PLCXD3: variants seen among roughly 807,000 people sequenced by gnomAD.
PLCXD3 encodes phosphatidylinositol specific phospholipase C X domain containing 3.
Under a neutral mutation model 25.5 loss-of-function variants are expected in PLCXD3, and 19 were observed. That is an observed-to-expected ratio of 0.75 (90% CI 0.52 to 1.09). PLCXD3 has a LOEUF of 1.09. Ranked by LOEUF, PLCXD3 falls within the 50% of genes least tolerant of loss-of-function variation. The pLI is 0.00. For synonymous variants in PLCXD3, 174 were observed against 137.6 expected (o/e 1.26, Z -1.85); for missense variants, 411 against 388.1 (o/e 1.06, Z -0.50).
chr5:41,489,280 T>C (rs1748595392), intron 1 of PLCXD3, among the ~76,000 whole-genome samples: 1 of 152,200 alleles, frequency 6.6e-6, no homozygotes, highest in Non-Finnish European at 1.5e-5. Flanking sequence ...TTCTGTTCCA[T>C]TGATCTATAT....
intron 1 of PLCXD3, among the ~76,000 whole-genome samples, chr5:41,473,074 G>A (rs1748201154): frequency 6.6e-6 from 1 of 151,510 alleles, no homozygotes. Flanking sequence ...CTACTTTCTA[G>A]AGCACTTTTA....
At chr5:41,320,528 G>A (rs1456544654) in intron 2 of PLCXD3, among the ~76,000 whole-genome samples, 1 of 152,120 alleles carries the variant, frequency 6.6e-6, no homozygotes, top group African/African-American at 2.4e-5. Context: ...ACGGAGTCTC[G>A]CTCTGTCGCC....
intron 2 of PLCXD3, among the ~76,000 whole-genome samples, chr5:41,361,845 T>C (rs1435297232): frequency 2.0e-5 from 3 of 152,216 alleles, no homozygotes; most frequent in African/African-American, 7.2e-5. Flanking sequence ...AATATTGAAC[T>C]AATTATCACA....
At chr5:41,435,309 A>C (rs1747221535) in intron 1 of PLCXD3, among the ~76,000 whole-genome samples, 2 of 152,298 alleles carry the variant, frequency 1.3e-5, no homozygotes, top group South Asian at 4.1e-4. Flanking sequence ...TGTGGAGGAA[A>C]TTTGTTTTCC....
intron 1 of PLCXD3, among the ~76,000 whole-genome samples, chr5:41,493,784 T>G (rs1455034059): frequency 6.6e-6 from 1 of 152,164 alleles, no homozygotes; most frequent in Non-Finnish European, 1.5e-5. Context: ...TTTAAGCCCG[T>G]CGGAAAAGCG....
intron 1 of PLCXD3, among the ~76,000 whole-genome samples, chr5:41,406,839 CCAGCCCAATACATTGGCATTTGTTA>C (rs1746366335): frequency 6.6e-6 from 1 of 152,214 alleles, no homozygotes; most frequent in Admixed American, 6.5e-5. Flanking sequence ...TAATTATTTT[CCAGCCCAATACATTGGCATTTGTTA>C]AAAAGTTCCT....
At chr5:41,359,353 T>G (rs1280936097) in intron 2 of PLCXD3, among the ~76,000 whole-genome samples, 1 of 152,154 alleles carries the variant, frequency 6.6e-6, no homozygotes, top group African/African-American at 2.4e-5. Context: ...TCCTGGACTT[T>G]TTTTTATTGG....
At chr5:41,482,751 A>G (rs573815644) in intron 1 of PLCXD3, among the ~76,000 whole-genome samples, 4 of 152,320 alleles carry the variant, frequency 2.6e-5, no homozygotes, top group Admixed American at 6.5e-5. Context: ...AAATCTGACT[A>G]GGCTATTTCT....
Position 41,380,719 on chromosome 5 carries a change from A to C in PLCXD3, c.812+1107T>G, listed in dbSNP as rs117756497. Among the ~76,000 whole-genome samples, 57 of 152,256 alleles carry C rather than the reference A, an allele frequency of 3.7e-4. No individual in the cohort carries two copies. In the East Asian group the frequency reaches 7.4e-3, roughly 20 times the overall value. ...GACCTTGGGTCCAAGCAAAACATTC[A>C]TGCTGTGTCTCTTTAGCATAATTCG... On this transcript the variant is annotated intron_variant, in intron 2 of 2. Coordinates refer to ENST00000377801, the MANE Select transcript of PLCXD3 (RefSeq NM_001005473.3).
intron 2 of PLCXD3, among the ~76,000 whole-genome samples, chr5:41,381,000 T>C (rs1275383758): frequency 6.6e-6 from 1 of 152,182 alleles, no homozygotes; most frequent in African/African-American, 2.4e-5. Flanking sequence ...TAAGGCTGCG[T>C]ATGTAGTATA....
At chr5:41,437,021 A>T (rs1407177563) in intron 1 of PLCXD3, among the ~76,000 whole-genome samples, 1 of 152,248 alleles carries the variant, frequency 6.6e-6, no homozygotes, top group Non-Finnish European at 1.5e-5. Flanking sequence ...GTTAGAGAGG[A>T]GACCAATGTA....
chr5:41,328,616 A>G (rs1054323018), intron 2 of PLCXD3, among the ~76,000 whole-genome samples: 1 of 152,130 alleles, frequency 6.6e-6, no homozygotes, highest in Non-Finnish European at 1.5e-5. Flanking sequence ...CCCCTCTGGA[A>G]TGTGAAGCTC....
intron 2 of PLCXD3, among the ~76,000 whole-genome samples, chr5:41,375,094 T>G (rs1402485751): frequency 6.6e-6 from 1 of 151,556 alleles, no homozygotes; most frequent in Admixed American, 6.6e-5. Flanking sequence ...CTGGAGTGTG[T>G]CCCCATTGGA....
chr5:41,329,186 T>G (rs1743716944), intron 2 of PLCXD3, among the ~76,000 whole-genome samples: 1 of 152,206 alleles, frequency 6.6e-6, no homozygotes, highest in Admixed American at 6.6e-5. Context: ...CCCCGTCACT[T>G]GGTGTTAAAA....
chr5:41,378,281 A>G (rs1745355883), intron 2 of PLCXD3, among the ~76,000 whole-genome samples: 1 of 152,126 alleles, frequency 6.6e-6, no homozygotes, highest in Non-Finnish European at 1.5e-5. Context: ...TGAGCTTCAC[A>G]TTAATATAAC....
At chr5:41,390,848 C>T (rs1458336970) in intron 1 of PLCXD3, among the ~76,000 whole-genome samples, 1 of 152,190 alleles carries the variant, frequency 6.6e-6, no homozygotes. Context: ...TGGCTGACGC[C>T]ACTCTTCCCT....
chr5:41,388,996 T>A (rs1301484165), intron 1 of PLCXD3, among the ~76,000 whole-genome samples: 1 of 151,750 alleles, frequency 6.6e-6, no homozygotes, highest in African/African-American at 2.4e-5. Context: ...TATACATATA[T>A]ACAAGCACAC....
intron 1 of PLCXD3, among the ~76,000 whole-genome samples, chr5:41,406,254 C>G (rs886627118): frequency 3.3e-5 from 5 of 152,056 alleles, no homozygotes; most frequent in African/African-American, 1.2e-4. Context: ...TTGCTTCATA[C>G]TTTTTCCTTG....
chr5:41,440,213 CAATTTTTT>C (rs1339806553), intron 1 of PLCXD3, among the ~76,000 whole-genome samples: 4 of 80,048 alleles, frequency 5.0e-5, no homozygotes, highest in African/African-American at 2.0e-4. Context: ...CATAATCTCT[CAATTTTTT>C]TTTTTTTTTT....
Sources: gnomAD v4.1 joint callset for allele counts (sites outside exome capture counted in the v4.1 genomes callset) on GRCh38, gnomAD v4.1.1 for gene constraint, MANE v1.5 for transcripts, NCBI Gene and HGNC (gene_info 2026-07-23, HGNC 2026-07-21) for gene names.